The following SINHCAF variants were observed in gnomAD, a reference collection of about 807,000 sequenced individuals.
The protein encoded by SINHCAF is SIN3-HDAC complex-associated factor.
SINHCAF carries 3 observed loss-of-function variants against 25.8 expected under a neutral mutation model. The ratio of observed to expected loss-of-function variants is 0.12; its 90% CI spans 0.05 to 0.30. SINHCAF has a LOEUF of 0.30. Ranked by LOEUF, SINHCAF falls within the 10% of genes least tolerant of loss-of-function variation. SINHCAF has a pLI of 1.00. For synonymous variants in SINHCAF, 70 were observed against 85.5 expected (o/e 0.82, Z 1.00); for missense variants, 121 against 262.3 (o/e 0.46, Z 3.72).
At chr12:31,321,205 C>T (rs1939681560) in intron 1 of SINHCAF, among the ~76,000 whole-genome samples, 2 of 152,098 alleles carry the variant, frequency 1.3e-5, no homozygotes, top group Non-Finnish European at 2.9e-5. Flanking sequence ...CAATTTATAA[C>T]ACCCCAAAAT....
At position 31,301,820 on chromosome 12, in the gene SINHCAF, A is replaced by G. The variant is rs2293040; in HGVS notation, c.-20-3596T>C. Among the ~76,000 whole-genome samples, 1,947 of 152,338 alleles carry G rather than the reference A, an allele frequency of 0.013. 149 individuals carry two copies. In the East Asian group the frequency reaches 0.22, roughly 17 times the overall value. Reference sequence around the variant, plus strand: ...GGACATAAAATGGTCTCTGAAACCAAGTTACTTTATATATTTAACAAAGTA... The same window carrying G: ...GGACATAAAATGGTCTCTGAAACCAGGTTACTTTATATATTTAACAAAGTA... On this transcript the variant is annotated intron_variant, in intron 1 of 5. Transcript: ENST00000337682.
In SINHCAF at chr12:31,282,756, C is replaced by A. The variant is rs370513542; in HGVS notation, c.622G>T (p.Glu208Ter). The change falls in exon 6 of 6, where the codon GAG (glutamate) becomes TAG (stop). Residue 208 changes from glutamate to a stop codon, truncating the protein, a stop_gained. Coordinates refer to ENST00000337682, the MANE Select transcript of SINHCAF (RefSeq NM_001135812.2). LOFTEE classifies it high-confidence loss of function. ...NKKAAAEKPE[E>*]QGPEPLPIST... ...ATGGGCAGAGGCTCTGGCCCCTGCT[C>A]CTCTGGCTTCTCAGCAGCTGCTTTC... 6.2e-7 allele frequency: 1 copy of A among 1,612,796 alleles called. No individual in the cohort carries two copies. The highest frequency in any genetic ancestry group is 8.5e-7 in the Non-Finnish European group (1 of 1,179,450).
At chr12:31,307,546 C>A (rs1217797077) in intron 1 of SINHCAF, among the ~76,000 whole-genome samples, 1 of 151,622 alleles carries the variant, frequency 6.6e-6, no homozygotes, top group African/African-American at 2.4e-5. Context: ...CAGAGCAAGA[C>A]CCTGTCTAAA....
At chr12:31,320,341 C>CCT (rs1245975699) in intron 1 of SINHCAF, among the ~76,000 whole-genome samples, 1 of 152,148 alleles carries the variant, frequency 6.6e-6, no homozygotes, top group Non-Finnish European at 1.5e-5. Context: ...GACGGCTTAC[C>CCT]CTCTATCCCC....
rs1939890090 is a variant in SINHCAF, at chr12:31,324,797, T to TCC, written c.-21+1225_-21+1226dup. ...AGTCCGGAGCCTGGCCCCCCGACCC[T>TCC]CCCCTCGGGAGCAGGCCCATTTAAT... On this transcript the variant is annotated intron_variant, in intron 1 of 5. Transcript: ENST00000337682. The surrounding 1 kb of genome is among the most constrained non-coding windows in gnomAD (Gnocchi z 5.5). 8.3e-6 allele frequency: 3 copies of TCC among 361,012 alleles called. No homozygotes were observed. The highest frequency in any genetic ancestry group is 4.0e-5 in the South Asian group (2 of 49,464). 22.4% of individuals were successfully genotyped at this position (361,012 alleles called of 1,614,324 possible). A position where few individuals can be genotyped will look rare whatever the true frequency, so the allele number is the denominator to read the frequency against.
intron 1 of SINHCAF, among the ~76,000 whole-genome samples, chr12:31,311,089 G>A (rs139555530): frequency 0.012 from 1,753 of 152,150 alleles, 17 homozygotes; most frequent in East Asian, 0.037. Context: ...GGCTGGCCTC[G>A]AACTCCTGAC....
intron 4 of SINHCAF, among the ~76,000 whole-genome samples, chr12:31,289,042 G>A (rs1453008868): frequency 6.6e-6 from 1 of 152,116 alleles, no homozygotes; most frequent in African/African-American, 2.4e-5. Context: ...AAACCACAGT[G>A]GATGGGCTGA....
chr12:31,301,103 CAT>C (rs1938773482), intron 1 of SINHCAF, among the ~76,000 whole-genome samples: 1 of 152,172 alleles, frequency 6.6e-6, no homozygotes, highest in African/African-American at 2.4e-5. Flanking sequence ...ACCAAGACGC[CAT>C]AGTTTGTGCC....
At chr12:31,317,585 A>C (rs944867820) in intron 1 of SINHCAF, among the ~76,000 whole-genome samples, 4 of 152,090 alleles carry the variant, frequency 2.6e-5, no homozygotes, top group South Asian at 2.1e-4. Context: ...AGCATAAAAG[A>C]AGCTTACTTT....
chr12:31,298,448 T>C (rs1444343672), intron 1 of SINHCAF: 12 of 476,274 alleles, frequency 2.5e-5, no homozygotes, highest in South Asian at 1.6e-4. Flanking sequence ...AGGACTCTAC[T>C]ACCTCCTAAC....
chr12:31,311,913 T>C, intron 1 of SINHCAF: 1 of 551,838 alleles, frequency 1.8e-6, no homozygotes, highest in Admixed American at 2.1e-5. Context: ...TTTTAATGAC[T>C]AGTATCTTTT....
intron 5 of SINHCAF, among the ~76,000 whole-genome samples, chr12:31,286,006 A>G (rs918949813): frequency 2.5e-4 from 38 of 152,084 alleles, no homozygotes; most frequent in African/African-American, 8.7e-4. Context: ...AAATAAATGC[A>G]AACAAAGTGG....
intron 1 of SINHCAF, among the ~76,000 whole-genome samples, chr12:31,319,553 T>A (rs1270370257): frequency 1.3e-5 from 2 of 152,120 alleles, no homozygotes; most frequent in Non-Finnish European, 2.9e-5. Flanking sequence ...AATCCAAATC[T>A]CCTGAATAGT....
intron 4 of SINHCAF, among the ~76,000 whole-genome samples, chr12:31,292,216 G>A (rs1051836794): frequency 6.6e-6 from 1 of 152,112 alleles, no homozygotes; most frequent in Admixed American, 6.6e-5. Context: ...AACATCTAGT[G>A]AGGACTGGGT....
At chr12:31,313,451 C>T (rs1318635296) in intron 1 of SINHCAF, among the ~76,000 whole-genome samples, 1 of 152,232 alleles carries the variant, frequency 6.6e-6, no homozygotes, top group African/African-American at 2.4e-5. Context: ...ATCTTAATTA[C>T]TACAGCTTTA....
chr12:31,322,679 A>G (rs953093953), intron 1 of SINHCAF, among the ~76,000 whole-genome samples: 6 of 152,248 alleles, frequency 3.9e-5, no homozygotes, highest in African/African-American at 1.4e-4. Flanking sequence ...ATAACAAAAT[A>G]ATGAAAAAAA....
intron 1 of SINHCAF, among the ~76,000 whole-genome samples, chr12:31,308,867 C>A (rs1939141289): frequency 6.6e-6 from 1 of 152,110 alleles, no homozygotes; most frequent in Non-Finnish European, 1.5e-5. Context: ...GTGGCTCACA[C>A]CTATAATCCC....
intron 1 of SINHCAF, among the ~76,000 whole-genome samples, chr12:31,306,434 C>T (rs527359568): frequency 6.6e-6 from 1 of 152,142 alleles, no homozygotes; most frequent in Non-Finnish European, 1.5e-5. Context: ...TGAGGGGTAT[C>T]TGATACCCCA....
At chr12:31,283,503 T>C (rs953702259) in intron 5 of SINHCAF, among the ~76,000 whole-genome samples, 5 of 151,930 alleles carry the variant, frequency 3.3e-5, no homozygotes, top group African/African-American at 9.7e-5. Context: ...CTTGGGAGAC[T>C]GAGGCAGTAG....
Sources: allele counts gnomAD v4.1 joint callset (sites outside exome capture counted in the v4.1 genomes callset), GRCh38; gene constraint gnomAD v4.1.1; non-coding constraint Gnocchi (gnomAD v3.1); transcripts MANE v1.5; gene names NCBI Gene and HGNC (gene_info 2026-07-23, HGNC 2026-07-21).